Variants in DIS3L2 observed in about 807,000 individuals in gnomAD.
DIS3L2 encodes DIS3 like 3'-5' exoribonuclease 2, also known as DIS3-like exonuclease 2.
Under a neutral mutation model 97.5 loss-of-function variants are expected in DIS3L2, and 34 were observed. The observed-to-expected ratio is 0.35, with a 90% CI of 0.27 to 0.46. The LOEUF is 0.46. Ranked by LOEUF, DIS3L2 falls within the 20% of genes least tolerant of loss-of-function variation. The pLI, the probability that DIS3L2 is intolerant of heterozygous loss-of-function variation, is 1.00. For missense variants in DIS3L2, 1,038 were observed against 1,146.0 expected, an observed-to-expected ratio of 0.91 and a Z score of 1.36; for synonymous variants, 435 against 445.2, an observed-to-expected ratio of 0.98 and a Z score of 0.29.
chr2:232,304,968 T>C (rs150489900), intron 14 of DIS3L2, among the ~76,000 whole-genome samples: 5 of 152,376 alleles, frequency 3.3e-5, no homozygotes, highest in African/African-American at 1.2e-4. Flanking sequence ...CTGTTAATGC[T>C]GCATTGTAGG....
Position 232,329,939 on chromosome 2 carries a change from G to A in DIS3L2, c.1866G>A (p.Val622=). The change falls in exon 15 of 21, where the codon GTG becomes GTA. Residue 622 remains valine, a synonymous_variant. Coordinates refer to ENST00000325385, the MANE Select transcript of DIS3L2 (RefSeq NM_152383.5). The part of the protein sequence containing the change: ...PPQTRMLSDL[V]EFCDQMGLPV... ...AAACAAGGATGCTCAGTGACCTGGT[G>A]GAATTCTGCGACCAGATGGGGCTGC... The A allele has an allele frequency of 1.2e-6, 2 of 1,613,142 alleles. No individual in the cohort carries two copies. The highest frequency in any genetic ancestry group is 8.5e-7 in the Non-Finnish European group (1 of 1,179,782).
chr2:232,328,056 T>C lies in DIS3L2; in HGVS notation c.1740-1757T>C, dbSNP rs373251163. On this transcript the variant is annotated intron_variant, in intron 14 of 20. Transcript: ENST00000325385. The stretch of plus-strand genomic sequence containing the variant: ...GTGGGTTAAGGGCTTGAACACAGGG[T>C]TTTTGGCAGGAAGTGGTGGGCACAA... Among the ~76,000 whole-genome samples, 3 of 151,676 alleles carry C rather than the reference T, an allele frequency of 2.0e-5. No homozygotes were observed. The East Asian group carries it at 5.8e-4, about 29-fold the overall frequency.
Position 232,014,842 on chromosome 2 carries a change from C to A in DIS3L2, c.-86C>A. The stretch of plus-strand genomic sequence containing the variant: ...ATCTCTTCTTGGTTTCAGCGAATGA[C>A]AACAGAGCTGCTCAAGGCGGGAACT... On this transcript the variant is annotated 5_prime_UTR_variant, in exon 2 of 21. Coordinates refer to ENST00000325385, the MANE Select transcript of DIS3L2 (RefSeq NM_152383.5). 3 of 1,455,032 alleles carry A rather than the reference C, an allele frequency of 2.1e-6. No homozygotes were observed. The highest frequency in any genetic ancestry group is 2.9e-6 in the Non-Finnish European group (3 of 1,049,106). The allele number at this position is 1,455,032 out of a possible 1,614,324, so 90.1% of individuals were successfully genotyped here.
At chr2:232,128,935 C>T (rs1021268278) in intron 6 of DIS3L2, among the ~76,000 whole-genome samples, 2 of 152,220 alleles carry the variant, frequency 1.3e-5, no homozygotes, top group South Asian at 2.1e-4. Context: ...AACAAAGCCT[C>T]ATTTCTGCCA....
chr2:232,052,262 G>GAC (rs1486653354), intron 5 of DIS3L2, among the ~76,000 whole-genome samples: 1 of 152,142 alleles, frequency 6.6e-6, no homozygotes, highest in East Asian at 1.9e-4. Flanking sequence ...GACCTCAGGT[G>GAC]ATCCACCTGC....
chr2:232,218,915 T>C (rs1159247030), intron 10 of DIS3L2, among the ~76,000 whole-genome samples: 1 of 152,206 alleles, frequency 6.6e-6, no homozygotes, highest in Non-Finnish European at 1.5e-5. Context: ...CCCTGTAAGA[T>C]GAGTCCTCAG....
At chr2:232,125,932 A>G (rs1038640516) in intron 6 of DIS3L2, among the ~76,000 whole-genome samples, 1 of 152,244 alleles carries the variant, frequency 6.6e-6, no homozygotes, top group Non-Finnish European at 1.5e-5. Context: ...GAGATCCAGA[A>G]GGGACATATT....
At chr2:232,215,207 C>A (rs1692298587) in intron 10 of DIS3L2, among the ~76,000 whole-genome samples, 1 of 152,174 alleles carries the variant, frequency 6.6e-6, no homozygotes, top group African/African-American at 2.4e-5. Flanking sequence ...GAATGCCCAG[C>A]TGGCTATCAT....
chr2:232,202,914 A>G (rs1196256756), intron 9 of DIS3L2, among the ~76,000 whole-genome samples: 1 of 152,244 alleles, frequency 6.6e-6, no homozygotes, highest in Non-Finnish European at 1.5e-5. Flanking sequence ...CCACTGAGCA[A>G]GGGGACAGAC....
chr2:232,169,992 C>T (rs1690939373), intron 9 of DIS3L2, among the ~76,000 whole-genome samples: 1 of 152,200 alleles, frequency 6.6e-6, no homozygotes, highest in South Asian at 2.1e-4. Flanking sequence ...ATATAGCCCT[C>T]CTGATTGGGG....
At chr2:232,340,219 G>A (rs565590107), downstream of DIS3L2, among the ~76,000 whole-genome samples, 150 of 152,300 alleles carry the variant, frequency 9.8e-4, 1 homozygote, top group African/African-American at 3.4e-3. Flanking sequence ...TTGGATCCTG[G>A]AAAGCAGAAG....
chr2:232,257,198 G>C (rs987244143), intron 12 of DIS3L2, among the ~76,000 whole-genome samples: 8 of 152,156 alleles, frequency 5.3e-5, no homozygotes, highest in Non-Finnish European at 8.8e-5. Flanking sequence ...CCTGAGCTTT[G>C]CTTAGTGATG....
At chr2:232,321,153 G>A (rs1334873595) in intron 14 of DIS3L2, among the ~76,000 whole-genome samples, 2 of 152,296 alleles carry the variant, frequency 1.3e-5, no homozygotes, top group East Asian at 3.9e-4. Flanking sequence ...CAGTAAGTGA[G>A]CAGGGCTGAG....
intron 5 of DIS3L2, among the ~76,000 whole-genome samples, chr2:232,080,959 A>T (rs1404986440): frequency 6.6e-6 from 1 of 151,888 alleles, no homozygotes; most frequent in Admixed American, 6.6e-5. Flanking sequence ...AATAAAACCT[A>T]CAAAATTGCC....
At position 232,221,670 on chromosome 2, in the gene DIS3L2, G is replaced by A. The variant is rs558274356; in HGVS notation, c.1204+11265G>A. Reference sequence around the variant, plus strand: ...AATACAAAAATTAGCTGGGCATGGCGGGCACCTGTAATCCCAGCTACTCAG... The same window carrying A: ...AATACAAAAATTAGCTGGGCATGGCAGGCACCTGTAATCCCAGCTACTCAG... On this transcript the variant is annotated intron_variant, in intron 10 of 20. Transcript: ENST00000325385. 5.3e-5 allele frequency among the ~76,000 whole-genome samples: 8 copies of A among 152,030 alleles called. 1 individual carries two copies. The highest frequency in any genetic ancestry group is 4.2e-4 in the South Asian group (2 of 4,806).
Position 232,051,551 on chromosome 2 carries a change from G to A in DIS3L2, c.366+21471G>A, listed in dbSNP as rs1344636580. 3.3e-5 allele frequency among the ~76,000 whole-genome samples: 5 copies of A among 152,176 alleles called. No individual in the cohort carries two copies. The South Asian group carries it at 8.3e-4, about 25-fold the overall frequency. The stretch of plus-strand genomic sequence containing the variant: ...GCTTCGGCTGGGCGCGGTGGCTCAC[G>A]CCTGTAATCCCAGCACTTTGGGAGG... On this transcript the variant is annotated intron_variant, in intron 5 of 20. Coordinates refer to ENST00000325385, the MANE Select transcript of DIS3L2 (RefSeq NM_152383.5).
chr2:232,237,142 T>TA (rs1472892792), intron 10 of DIS3L2, among the ~76,000 whole-genome samples: 1 of 152,260 alleles, frequency 6.6e-6, no homozygotes, highest in Non-Finnish European at 1.5e-5. Context: ...TGTACGTATG[T>TA]ATATACTCTT....
chr2:232,165,227 T>TATA (rs1690769533), intron 9 of DIS3L2, among the ~76,000 whole-genome samples: 1 of 152,250 alleles, frequency 6.6e-6, no homozygotes, highest in African/African-American at 2.4e-5. Context: ...AAAAAGGAGC[T>TATA]ATATCCATGT....
At chr2:232,255,937 C>T (rs1306049997) in intron 12 of DIS3L2, among the ~76,000 whole-genome samples, 5 of 152,136 alleles carry the variant, frequency 3.3e-5, no homozygotes, top group Non-Finnish European at 1.5e-5. Flanking sequence ...CCAGAATCAG[C>T]CCCCTTCCTT....
Sources: gnomAD v4.1 joint callset for allele counts (sites outside exome capture counted in the v4.1 genomes callset) on GRCh38, gnomAD v4.1.1 for gene constraint, MANE v1.5 for transcripts, NCBI Gene and HGNC (gene_info 2026-07-23, HGNC 2026-07-21) for gene names.